The following PTPRQ variants were observed in gnomAD, a reference collection of about 807,000 sequenced individuals.
PTPRQ encodes the protein protein tyrosine phosphatase receptor type Q, also known as phosphatidylinositol phosphatase PTPRQ.
Under a neutral mutation model 246.0 loss-of-function variants are expected in PTPRQ, and 199 were observed. The observed-to-expected ratio is 0.81, with a 90% CI of 0.72 to 0.91. PTPRQ has a LOEUF of 0.91. Among genes scored for constraint, PTPRQ ranks in the 40% least tolerant of loss-of-function variants. The pLI, the probability that PTPRQ is intolerant of heterozygous loss-of-function variation, is 0.00. For synonymous variants in PTPRQ, 869 were observed against 853.2 expected, an observed-to-expected ratio of 1.02 and a Z score of -0.32; for missense variants, 2,624 against 2,528.4, an observed-to-expected ratio of 1.04 and a Z score of -0.81.
At chr12:80,662,694 A>T (rs1366377532) in intron 39 of PTPRQ, among the ~76,000 whole-genome samples, 4 of 152,018 alleles carry the variant, frequency 2.6e-5, no homozygotes, top group Non-Finnish European at 5.9e-5. Flanking sequence ...AATCCAGAGG[A>T]AAATCTCTGA....
At chr12:80,655,742 C>A (rs1306261240) in intron 38 of PTPRQ, among the ~76,000 whole-genome samples, 3 of 151,984 alleles carry the variant, frequency 2.0e-5, no homozygotes, top group Non-Finnish European at 2.9e-5. Flanking sequence ...ATTTATTTTC[C>A]CTGCAGAGAT....
At chr12:80,640,698 C>T (rs12426482) in intron 35 of PTPRQ, among the ~76,000 whole-genome samples, 8,562 of 152,166 alleles carry the variant, frequency 0.056, 511 homozygotes, top group East Asian at 0.23. Flanking sequence ...TTTTAAAATA[C>T]ATAATATTGA....
intron 8 of PTPRQ, among the ~76,000 whole-genome samples, chr12:80,478,527 G>A (rs543877499): frequency 1.2e-4 from 19 of 152,346 alleles, no homozygotes; most frequent in Admixed American, 2.0e-4. Flanking sequence ...AAAGCTGGAC[G>A]GAGAACGACT....
intron 25 of PTPRQ, among the ~76,000 whole-genome samples, chr12:80,572,468 CTCTT>C (rs937844342): frequency 2.6e-5 from 4 of 151,792 alleles, no homozygotes; most frequent in African/African-American, 9.7e-5. Context: ...GTATTTTTCT[CTCTT>C]TCTTTCTTTC....
At chr12:80,583,380 T>G (rs964727271) in intron 25 of PTPRQ, among the ~76,000 whole-genome samples, 1 of 152,152 alleles carries the variant, frequency 6.6e-6, no homozygotes, top group African/African-American at 2.4e-5. Flanking sequence ...AAGCAAAATC[T>G]TTTTGAATCT....
intron 3 of PTPRQ, among the ~76,000 whole-genome samples, chr12:80,450,061 G>A (rs912116446): frequency 2.6e-5 from 4 of 152,040 alleles, no homozygotes; most frequent in Non-Finnish European, 5.9e-5. Context: ...ATTGAGCAGT[G>A]GTTTGTAGTT....
At chr12:80,544,190 A>C (rs1003554010) in intron 23 of PTPRQ, among the ~76,000 whole-genome samples, 1 of 152,130 alleles carries the variant, frequency 6.6e-6, no homozygotes, top group African/African-American at 2.4e-5. Context: ...CTTACCTCTT[A>C]ATGCAAAATG....
chr12:80,465,807 C>T (rs1257591314), intron 6 of PTPRQ, among the ~76,000 whole-genome samples: 1 of 152,006 alleles, frequency 6.6e-6, no homozygotes, highest in Admixed American at 6.6e-5. Context: ...ATTCAACAAC[C>T]CTCCATGCTA....
intron 3 of PTPRQ, among the ~76,000 whole-genome samples, chr12:80,450,405 C>T (rs1892717187): frequency 6.6e-6 from 1 of 152,180 alleles, no homozygotes; most frequent in South Asian, 2.1e-4. Context: ...GCAGAACTTC[C>T]AACACTATGT....
chr12:80,446,346 T>C (rs1369765803), intron 3 of PTPRQ, among the ~76,000 whole-genome samples: 1 of 151,842 alleles, frequency 6.6e-6, no homozygotes, highest in Non-Finnish European at 1.5e-5. Flanking sequence ...GTATACTTAG[T>C]AAAAATAATT....
chr12:80,495,306 C>A lies in PTPRQ; in HGVS notation c.1817C>A (p.Ala606Glu). Residue 606 changes from alanine (A) to glutamate (E), a missense_variant, in exon 12 of 45, where the codon GCA becomes GAA. Ala to Glu is a moderately radical substitution (Grantham distance 107). Transcript: ENST00000644991. Reference sequence around the variant, plus strand: ...AAAATAACTCACTATACGATTTATGCAATGGAATTGGATACAAACAGAGCA... The same window carrying A: ...AAAATAACTCACTATACGATTTATGAAATGGAATTGGATACAAACAGAGCA... ...NGKITHYTIY[A>E]MELDTNRAFQ... 4 of 1,545,480 alleles carry A rather than the reference C, an allele frequency of 2.6e-6. No individual in the cohort carries two copies. The highest frequency in any genetic ancestry group is 8.7e-7 in the Non-Finnish European group (1 of 1,145,054).
intron 39 of PTPRQ, among the ~76,000 whole-genome samples, chr12:80,668,070 C>T (rs1266080982): frequency 2.0e-5 from 3 of 151,958 alleles, no homozygotes; most frequent in Non-Finnish European, 4.4e-5. Context: ...TTACTATTCT[C>T]TGACTACTGA....
intron 17 of PTPRQ, among the ~76,000 whole-genome samples, chr12:80,514,573 AAT>A (rs1300558988): frequency 7.0e-6 from 1 of 143,640 alleles, no homozygotes; most frequent in Admixed American, 7.1e-5. Flanking sequence ...ATATTATACA[AAT>A]ATATATATTA....
In PTPRQ at chr12:80,673,188, G is replaced by C; in HGVS notation, c.6622G>C (p.Gly2208Arg). 6.4e-7 allele frequency: 1 copy of C among 1,550,720 alleles called. No homozygotes were observed. Among genetic ancestry groups the C allele is most frequent in the Non-Finnish European group, 8.7e-7 (1 of 1,146,326 alleles). ...VHCSAGVGRT[G>R]VFIALDHLTQ... ...CTGTAGTGCTGGAGTTGGAAGAACTGGAGTTTTTATTGCTCTGGACCATTT... is the reference window on the plus strand; with the variant it reads ...CTGTAGTGCTGGAGTTGGAAGAACTCGAGTTTTTATTGCTCTGGACCATTT... The change falls in exon 43 of 45, where the codon GGA (glycine) becomes CGA (arginine). Residue 2208 changes from glycine (G) to arginine (R), a missense_variant. By Grantham distance (125) the Gly-to-Arg change is moderately radical. Transcript: ENST00000644991.
At position 80,669,005 on chromosome 12, in the gene PTPRQ, A is replaced by T. The variant is rs1332622400; in HGVS notation, c.6193-2A>T. The T allele has an allele frequency of 1.3e-6, 2 of 1,548,356 alleles. No individual in the cohort carries two copies. The highest frequency in any genetic ancestry group is 2.7e-5 in the African/African-American group (2 of 72,842). On this transcript the variant is annotated splice_acceptor_variant, in intron 39 of 44. Coordinates refer to ENST00000644991, the MANE Select transcript of PTPRQ (RefSeq NM_001145026.2). LOFTEE classifies it high-confidence loss of function. ...GCAGTGTTTGTAATTATATCCTTCT[A>T]GGGTTATTTATGTCCAAATGAATTT...
chr12:80,578,564 G>A (rs1170461948), intron 25 of PTPRQ, among the ~76,000 whole-genome samples: 1 of 151,652 alleles, frequency 6.6e-6, no homozygotes, highest in African/African-American at 2.4e-5. Context: ...CTAATTTTTT[G>A]TTGTATTTTT....
intron 9 of PTPRQ, among the ~76,000 whole-genome samples, chr12:80,489,332 C>G (rs1379964244): frequency 6.6e-6 from 1 of 150,730 alleles, no homozygotes; most frequent in Non-Finnish European, 1.5e-5. Context: ...TGAACTTGAA[C>G]AGATGACTGT....
At chr12:80,594,170 T>C (rs1305959560) in intron 26 of PTPRQ, among the ~76,000 whole-genome samples, 2 of 152,204 alleles carry the variant, frequency 1.3e-5, no homozygotes, top group Non-Finnish European at 2.9e-5. Flanking sequence ...TTACTAAATA[T>C]CAGTTGTTTT....
At chr12:80,511,378 C>T (rs11114490) in intron 17 of PTPRQ, among the ~76,000 whole-genome samples, 48,948 of 151,938 alleles carry the variant, frequency 0.32, 9,177 homozygotes, top group African/African-American at 0.51. Flanking sequence ...TCCCAGTTAG[C>T]GAAAAGGAAG....
Sources: allele counts gnomAD v4.1 joint callset (sites outside exome capture counted in the v4.1 genomes callset), GRCh38; gene constraint gnomAD v4.1.1; transcripts MANE v1.5; gene names NCBI Gene and HGNC (gene_info 2026-07-23, HGNC 2026-07-21).